The following SORCS2 variants were observed in gnomAD, a reference collection of about 807,000 sequenced individuals.
SORCS2 encodes sortilin related VPS10 domain containing receptor 2, also known as VPS10 domain-containing receptor SorCS2.
Under a neutral mutation model 141.6 loss-of-function variants are expected in SORCS2, and 100 were observed. The observed-to-expected ratio is 0.71, with a 90% CI of 0.60 to 0.83. The LOEUF (loss-of-function observed/expected upper bound fraction) is 0.83, where lower values mean the gene tolerates loss of function less well. SORCS2 is among the 40% of genes least tolerant of loss of function. The probability of loss-of-function intolerance (pLI) is 0.00; values close to 1 mark genes in which losing one functional copy is unlikely to be tolerated. For synonymous variants in SORCS2, 789 were observed against 676.9 expected, an observed-to-expected ratio of 1.17 and a Z score of -2.57; for missense variants, 1,646 against 1,560.2, an observed-to-expected ratio of 1.05 and a Z score of -0.93.
intron 25 of SORCS2, among the ~76,000 whole-genome samples, chr4:7,736,826 A>G (rs903999504): frequency 2.6e-5 from 4 of 152,284 alleles, no homozygotes; most frequent in Admixed American, 6.5e-5. Flanking sequence ...TGATCACCCA[A>G]TGTGTCAGGG....
chr4:7,286,738 A>C lies in SORCS2; in HGVS notation c.480+93612A>C, dbSNP rs1716252504. Among the ~76,000 whole-genome samples, 1 of 152,146 alleles carries C rather than the reference A, an allele frequency of 6.6e-6. No homozygotes were observed. Among genetic ancestry groups the C allele is most frequent in the Non-Finnish European group, 1.5e-5 (1 of 68,022 alleles). Reference sequence around the variant, plus strand: ...TTCCACAATGCCTCAGAGGTTGCACATGTTCACGGGCCTCGGTTAACCAGA... The same window carrying C: ...TTCCACAATGCCTCAGAGGTTGCACCTGTTCACGGGCCTCGGTTAACCAGA... On this transcript the variant is annotated intron_variant, in intron 1 of 26. Coordinates refer to ENST00000507866, the MANE Select transcript of SORCS2 (RefSeq NM_020777.3). The surrounding 1 kb of genome is among the most constrained non-coding windows in gnomAD (Gnocchi z 4.1).
At chr4:7,508,350 CTTTTT>C (rs35443053) in intron 2 of SORCS2, among the ~76,000 whole-genome samples, 55 of 69,750 alleles carry the variant, frequency 7.9e-4, no homozygotes, top group Non-Finnish European at 1.3e-3. Flanking sequence ...AGATCTCAGG[CTTTTT>C]TTTTTTTTTT....
chr4:7,330,878 C>G (rs554514507), intron 1 of SORCS2, among the ~76,000 whole-genome samples: 4 of 152,198 alleles, frequency 2.6e-5, no homozygotes, highest in African/African-American at 9.6e-5. Flanking sequence ...GACGTGGACT[C>G]GCGGCCGCCA....
intron 3 of SORCS2, among the ~76,000 whole-genome samples, chr4:7,584,142 C>G (rs1716373639): frequency 6.6e-6 from 1 of 152,210 alleles, no homozygotes; most frequent in African/African-American, 2.4e-5. Flanking sequence ...AATATAGAAT[C>G]TGTTGCATAG....
chr4:7,658,539 C>T (rs1268186057), intron 5 of SORCS2, among the ~76,000 whole-genome samples: 2 of 152,156 alleles, frequency 1.3e-5, no homozygotes, highest in African/African-American at 2.4e-5. Context: ...TCACAAAAGC[C>T]GAAATCAACA....
intron 3 of SORCS2, among the ~76,000 whole-genome samples, chr4:7,616,594 C>A (rs1718778297): frequency 6.6e-6 from 1 of 152,218 alleles, no homozygotes; most frequent in Non-Finnish European, 1.5e-5. Context: ...GAGCCCCGAT[C>A]TCTGTGGGTT....
At chr4:7,291,469 G>A (rs1716599029) in intron 1 of SORCS2, among the ~76,000 whole-genome samples, 1 of 152,158 alleles carries the variant, frequency 6.6e-6, no homozygotes, top group Non-Finnish European at 1.5e-5. Flanking sequence ...GGCTCCCAGG[G>A]TTCTGGCTCG....
chr4:7,253,889 C>A (rs1244002813), intron 1 of SORCS2, among the ~76,000 whole-genome samples: 1 of 152,208 alleles, frequency 6.6e-6, no homozygotes, highest in Non-Finnish European at 1.5e-5. Context: ...TCCCAGGCAG[C>A]TTTGTTCTCC....
intron 2 of SORCS2, among the ~76,000 whole-genome samples, chr4:7,475,624 T>C (rs28541429): frequency 0.77 from 116,474 of 152,236 alleles, 45,351 homozygotes; most frequent in Non-Finnish European, 0.85. Context: ...GAAGAATACA[T>C]CTGAAGAGGA....
At chr4:7,304,452 C>T (rs571803050) in intron 1 of SORCS2, among the ~76,000 whole-genome samples, 5 of 152,318 alleles carry the variant, frequency 3.3e-5, no homozygotes, top group African/African-American at 4.8e-5. Context: ...GGAGAAGAGG[C>T]GGATGCGGGT....
intron 2 of SORCS2, among the ~76,000 whole-genome samples, chr4:7,402,769 T>G (rs1724679334): frequency 6.6e-6 from 1 of 152,204 alleles, no homozygotes; most frequent in Non-Finnish European, 1.5e-5. Flanking sequence ...GGGTGTGAGA[T>G]TACAGCTTAA....
intron 2 of SORCS2, among the ~76,000 whole-genome samples, chr4:7,411,512 C>A (rs1253420467): frequency 6.6e-6 from 1 of 151,958 alleles, no homozygotes; most frequent in Admixed American, 6.6e-5. Flanking sequence ...CCCACCTTTG[C>A]TCCTCTCTCC....
At chr4:7,328,397 G>T (rs1719424151) in intron 1 of SORCS2, among the ~76,000 whole-genome samples, 1 of 151,990 alleles carries the variant, frequency 6.6e-6, no homozygotes, top group Non-Finnish European at 1.5e-5. Context: ...GGAGGCAGGA[G>T]CTGTGACCAT....
chr4:7,418,499 G>A (rs145213142), intron 2 of SORCS2, among the ~76,000 whole-genome samples: 1 of 152,276 alleles, frequency 6.6e-6, no homozygotes, highest in East Asian at 1.9e-4. Flanking sequence ...CATTAAGCGC[G>A]AGGTGGAGTT....
intron 19 of SORCS2, 25 bp from the exon 20 acceptor site, chr4:7,725,129 C>T (rs1380040908): frequency 1.2e-6 from 2 of 1,609,548 alleles, no homozygotes; most frequent in South Asian, 1.1e-5. Context: ...TATCATCTAA[C>T]CCTGGCCTTT....
intron 10 of SORCS2, among the ~76,000 whole-genome samples, chr4:7,685,731 C>G (rs1395539178): frequency 6.6e-6 from 1 of 151,454 alleles, no homozygotes; most frequent in African/African-American, 2.4e-5. Flanking sequence ...AAGGCCTGGG[C>G]TATCCTGTGT....
At chr4:7,274,813 C>T (rs1373596200) in intron 1 of SORCS2, among the ~76,000 whole-genome samples, 1 of 152,170 alleles carries the variant, frequency 6.6e-6, no homozygotes, top group Non-Finnish European at 1.5e-5. Flanking sequence ...TCAGTGTCTT[C>T]TGGGGGAGGG....
intron 14 of SORCS2, among the ~76,000 whole-genome samples, chr4:7,704,589 G>A (rs1418398996): frequency 6.6e-6 from 1 of 152,228 alleles, no homozygotes; most frequent in Non-Finnish European, 1.5e-5. Flanking sequence ...ATAGGGCAGA[G>A]CTGGCTGTGA....
intron 2 of SORCS2, among the ~76,000 whole-genome samples, chr4:7,425,404 T>C (rs2109203829): frequency 6.6e-6 from 1 of 152,308 alleles, no homozygotes; most frequent in African/African-American, 2.4e-5. Flanking sequence ...TCTGCTGTCC[T>C]GGTTTCGGTT....
Sources: gnomAD v4.1 joint callset for allele counts (sites outside exome capture counted in the v4.1 genomes callset) on GRCh38, gnomAD v4.1.1 for gene constraint, Gnocchi (gnomAD v3.1) non-coding constraint, MANE v1.5 for transcripts, NCBI Gene and HGNC (gene_info 2026-07-23, HGNC 2026-07-21) for gene names.